ATP9B: variants seen among roughly 807,000 people sequenced by gnomAD.
ATP9B encodes probable phospholipid-transporting ATPase IIB.
A neutral mutation model predicts 146.1 loss-of-function variants in ATP9B; 110 were observed. The observed-to-expected ratio is 0.75, with a 90% CI of 0.65 to 0.88. The LOEUF (loss-of-function observed/expected upper bound fraction) is 0.88. ATP9B is among the 40% of genes least tolerant of loss of function. ATP9B has a pLI of 0.00. For missense variants in ATP9B, 1,499 were observed against 1,496.4 expected (o/e 1.00, Z -0.03); for synonymous variants, 604 against 569.7 (o/e 1.06, Z -0.86).
At chr18:79,147,812 A>G (rs943101036) in intron 6 of ATP9B, among the ~76,000 whole-genome samples, 1 of 151,956 alleles carries the variant, frequency 6.6e-6, no homozygotes, top group East Asian at 1.9e-4. Context: ...GGAAGGGAAT[A>G]ATAAAGATAC....
intron 12 of ATP9B, among the ~76,000 whole-genome samples, chr18:79,269,885 C>T (rs374711347): frequency 6.6e-6 from 1 of 152,232 alleles, no homozygotes; most frequent in Non-Finnish European, 1.5e-5. Context: ...TTCCCTGAGG[C>T]GCATCCTTGC....
chr18:79,194,612 C>G (rs543075192), intron 9 of ATP9B: 3 of 152,200 alleles, frequency 2.0e-5, no homozygotes, highest in Non-Finnish European at 4.4e-5. Context: ...TAAAAAGATG[C>G]ATTCATAAAT....
At position 79,138,627 on chromosome 18, in the gene ATP9B, T is replaced by C. The variant is rs1401488320; in HGVS notation, c.668-5175T>C. Among the ~76,000 whole-genome samples the C allele has an allele frequency of 3.9e-5, 6 of 152,322 alleles. No homozygotes were observed. In the East Asian group the frequency reaches 9.6e-4, roughly 24 times the overall value. On this transcript the variant is annotated intron_variant, in intron 5 of 29. Coordinates refer to ENST00000426216, the MANE Select transcript of ATP9B (RefSeq NM_198531.5). ...GATCAGCATATTCATTTAGTTTACT[T>C]GTGAGGTGGTAAACTATCATCTCAA...
Position 79,082,915 on chromosome 18 carries a change from T to G in ATP9B, c.119+13386T>G, listed in dbSNP as rs1011850193. On this transcript the variant is annotated intron_variant, in intron 1 of 29. Transcript: ENST00000426216. ...CCACTTGAGGAGGCAGTCTGTCCCT[T>G]AGCAGAGCTCAAGCGCTGTGCTGGG... 2.0e-5 allele frequency among the ~76,000 whole-genome samples: 3 copies of G among 152,190 alleles called. No individual in the cohort carries two copies. The East Asian group carries it at 5.8e-4, about 29-fold the overall frequency.
chr18:79,188,545 C>A (rs1365732062), intron 8 of ATP9B, among the ~76,000 whole-genome samples: 1 of 152,160 alleles, frequency 6.6e-6, no homozygotes, highest in African/African-American at 2.4e-5. Context: ...TCTTACCTTA[C>A]ATGGAAAAAG....
intron 7 of ATP9B, among the ~76,000 whole-genome samples, chr18:79,165,153 A>G (rs1485721064): frequency 6.6e-6 from 1 of 152,236 alleles, no homozygotes; most frequent in Non-Finnish European, 1.5e-5. Context: ...AGTCTTATAC[A>G]GATTAAAAAA....
At chr18:79,377,111 G>A (rs2097107296) in intron 29 of ATP9B, 136 bp from the exon 30 acceptor site, 4 of 978,484 alleles carry the variant, frequency 4.1e-6, no homozygotes, top group Middle Eastern at 2.5e-4. Flanking sequence ...TTGGAGCTGG[G>A]CCCCTGTAAA....
intron 12 of ATP9B, among the ~76,000 whole-genome samples, chr18:79,263,240 A>G (rs1045773360): frequency 6.6e-6 from 1 of 152,196 alleles, no homozygotes; most frequent in African/African-American, 2.4e-5. Flanking sequence ...CTTGGTTCCC[A>G]TGGGGGATTG....
chr18:79,111,544 ATATT>A (rs1198238177), intron 3 of ATP9B, among the ~76,000 whole-genome samples: 2 of 152,328 alleles, frequency 1.3e-5, no homozygotes, highest in East Asian at 3.9e-4. Context: ...AGGCAGATAA[ATATT>A]CGCATCTTTA....
chr18:79,318,872 G>A (rs10083900), intron 15 of ATP9B, among the ~76,000 whole-genome samples: 142,301 of 152,302 alleles, frequency 0.93, 66,583 homozygotes, highest in East Asian at 1. Flanking sequence ...ATGACTTCAG[G>A]TCCCACTGTA....
At chr18:79,124,201 G>A (rs1024828576) in intron 4 of ATP9B, among the ~76,000 whole-genome samples, 6 of 152,136 alleles carry the variant, frequency 3.9e-5, no homozygotes, top group Admixed American at 6.5e-5. Context: ...CCTAGGAGTG[G>A]GAGGGAATGG....
intron 4 of ATP9B, chr18:79,117,766 C>G (rs1008799037): frequency 1.3e-5 from 2 of 152,142 alleles, no homozygotes; most frequent in Non-Finnish European, 2.9e-5. Flanking sequence ...GCTAGGTAAC[C>G]GTGGAAGAGA....
chr18:79,377,226 TTC>T lies in ATP9B; in HGVS notation c.3308-17_3308-16del, dbSNP rs2097107901. 5 of 1,609,892 alleles carry T rather than the reference TTC, an allele frequency of 3.1e-6. No homozygotes were observed. Among genetic ancestry groups the T allele is most frequent in the South Asian group, 1.1e-5 (1 of 91,078 alleles). ...GACTTCTTGGTCAGCTCTTACCTTT[TTC>T]TCTGTTTCCTGCCAACAGATGTTGC... On this transcript the variant is annotated intron_variant, in intron 29 of 29. Coordinates refer to ENST00000426216, the MANE Select transcript of ATP9B (RefSeq NM_198531.5).
chr18:79,372,924 A>G (rs2097081041), intron 27 of ATP9B, 42 bp downstream of exon 27: 1 of 1,424,324 alleles, frequency 7.0e-7, no homozygotes, highest in African/African-American at 1.4e-5. Flanking sequence ...AGATTTTTTT[A>G]TTTTGGTCTT....
intron 7 of ATP9B, among the ~76,000 whole-genome samples, chr18:79,173,128 C>T (rs1214463298): frequency 6.6e-6 from 1 of 152,184 alleles, no homozygotes; most frequent in Non-Finnish European, 1.5e-5. Context: ...TTGCCATCCT[C>T]AGGACTCTAG....
chr18:79,231,803 T>TATATATACACAC lies in ATP9B; in HGVS notation c.1107+17766_1107+17767insTATATACACACA, dbSNP rs569726473. On this transcript the variant is annotated intron_variant, in intron 11 of 29. Transcript: ENST00000426216. ...GTATATATATATATATATATATATA[T>TATATATACACAC]ACACACACACACCATGGAATACTGC... 1.4e-3 allele frequency among the ~76,000 whole-genome samples: 164 copies of TATATATACACAC among 114,750 alleles called. 4 individuals carry two copies. The highest frequency in any genetic ancestry group is 3.1e-3 in the African/African-American group (92 of 29,524). 75.3% of individuals were successfully genotyped at this position (114,750 alleles called of 152,430 possible).
chr18:79,110,344 GT>G lies in ATP9B; in HGVS notation c.294-8del. On this transcript the variant is annotated splice_polypyrimidine_tract_variant and intron_variant, in intron 2 of 29. Transcript: ENST00000426216. ...AAAAAATACACAATACGTATCTTTT[GT>G]TTCATACAGTTGCTGTGGTTGGCTG... is the stretch of plus-strand genomic sequence containing the variant. The G allele has an allele frequency of 6.4e-7, 1 of 1,571,994 alleles. No homozygotes were observed. The highest frequency in any genetic ancestry group is 8.6e-7 in the Non-Finnish European group (1 of 1,162,694).
intron 1 of ATP9B, among the ~76,000 whole-genome samples, chr18:79,079,306 T>G (rs695038): frequency 1.3e-5 from 2 of 151,986 alleles, no homozygotes; most frequent in Non-Finnish European, 2.9e-5. Flanking sequence ...TGTTTCTCCA[T>G]GTCCTCTCCA....
At chr18:79,233,617 T>C (rs2095812484) in intron 11 of ATP9B, among the ~76,000 whole-genome samples, 1 of 151,924 alleles carries the variant, frequency 6.6e-6, no homozygotes, top group South Asian at 2.1e-4. Context: ...TCACGAGAGG[T>C]GGGGCTTAGG....
Sources: allele counts gnomAD v4.1 joint callset (sites outside exome capture counted in the v4.1 genomes callset), GRCh38; gene constraint gnomAD v4.1.1; transcripts MANE v1.5; gene names NCBI Gene and HGNC (gene_info 2026-07-23, HGNC 2026-07-21).